Variants in LRRC8D observed in about 807,000 individuals in gnomAD.
The protein encoded by LRRC8D is leucine rich repeat containing 8 VRAC subunit D, also known as volume-regulated anion channel subunit LRRC8D.
Under a neutral mutation model 55.8 loss-of-function variants are expected in LRRC8D, and 20 were observed. The observed-to-expected ratio is 0.36, with a 90% confidence interval of 0.25 to 0.52. The LOEUF (loss-of-function observed/expected upper bound fraction) is 0.52, where lower values mean the gene tolerates loss of function less well. LRRC8D is among the 20% of genes least tolerant of loss of function. LRRC8D has a pLI of 0.93. For synonymous variants in LRRC8D, 352 were observed against 377.0 expected, an observed-to-expected ratio of 0.93 and a Z score of 0.77; for missense variants, 651 against 1,030.8, an observed-to-expected ratio of 0.63 and a Z score of 5.05.
intron 1 of LRRC8D, among the ~76,000 whole-genome samples, chr1:89,833,521 G>A (rs988601679): frequency 2.6e-5 from 4 of 152,198 alleles, no homozygotes; most frequent in Non-Finnish European, 5.9e-5. Flanking sequence ...GAGGCAGTGG[G>A]AAGGACCTAG....
At chr1:89,868,873 T>C (rs1457371756) in intron 2 of LRRC8D, among the ~76,000 whole-genome samples, 1 of 152,176 alleles carries the variant, frequency 6.6e-6, no homozygotes, top group Non-Finnish European at 1.5e-5. Flanking sequence ...TTTTTAAGTA[T>C]TGACACTGTA....
intron 2 of LRRC8D, among the ~76,000 whole-genome samples, chr1:89,866,282 C>A (rs1016584365): frequency 1.3e-5 from 2 of 152,154 alleles, no homozygotes; most frequent in African/African-American, 4.8e-5. Context: ...ATCAGCACCC[C>A]AGGAGTACTG....
chr1:89,857,301 G>C (rs1236575598), intron 2 of LRRC8D, among the ~76,000 whole-genome samples: 2 of 147,606 alleles, frequency 1.4e-5, no homozygotes, highest in Non-Finnish European at 3.0e-5. Context: ...AGAATTGCTT[G>C]AACCTGGGAG....
chr1:89,837,585 C>G (rs1557443066), intron 1 of LRRC8D, among the ~76,000 whole-genome samples: 1 of 152,222 alleles, frequency 6.6e-6, no homozygotes, highest in African/African-American at 2.4e-5. Context: ...ATGTCCATGT[C>G]TCTTTTCTCA....
At position 89,931,938 on chromosome 1, in the gene LRRC8D, G is replaced by A. The variant is rs371513772; in HGVS notation, c.-2-1129G>A. On this transcript the variant is annotated intron_variant, in intron 2 of 2. Transcript: ENST00000337338. ...AAAAAGACAAAGCAATATAAATATG[G>A]AAACCCAAGAACCTCTCAAGAAATG... is the stretch of plus-strand genomic sequence containing the variant. Among the ~76,000 whole-genome samples, 7 of 152,118 alleles carry A rather than the reference G, an allele frequency of 4.6e-5. 1 individual carries two copies. The highest frequency in any genetic ancestry group is 2.0e-4 in the Admixed American group (3 of 15,284).
intron 1 of LRRC8D, 130 bp from the exon 2 acceptor site, chr1:89,843,508 G>T (rs1328906595): frequency 1.8e-6 from 1 of 552,856 alleles, no homozygotes; most frequent in African/African-American, 1.9e-5. Flanking sequence ...GGGAGCGCTG[G>T]GTGCCCACCA....
In LRRC8D at chr1:89,890,060, G is replaced by A. The variant is rs188041924; in HGVS notation, c.-2-43007G>A. Among the ~76,000 whole-genome samples the A allele has an allele frequency of 6.6e-5, 10 of 152,250 alleles. No homozygotes were observed. In the East Asian group the frequency reaches 9.7e-4, roughly 15 times the overall value. Reference sequence around the variant, plus strand: ...AAATTAGTTGAGCGTGTTGGCGGGCGCCTGTAGTCCCAGCTACTTGGGAGG... The same window carrying A: ...AAATTAGTTGAGCGTGTTGGCGGGCACCTGTAGTCCCAGCTACTTGGGAGG... On this transcript the variant is annotated intron_variant, in intron 2 of 2. Transcript: ENST00000337338.
chr1:89,821,448 G>C (rs181675954), intron 1 of LRRC8D, among the ~76,000 whole-genome samples, 157 bp downstream of exon 1: 1 of 152,142 alleles, frequency 6.6e-6, no homozygotes, highest in Non-Finnish European at 1.5e-5. Flanking sequence ...CCGGGGGTCG[G>C]GAGGAGGTGG....
intron 2 of LRRC8D, among the ~76,000 whole-genome samples, chr1:89,902,533 C>CT (rs1455168546): frequency 1.3e-5 from 2 of 151,558 alleles, no homozygotes; most frequent in Non-Finnish European, 2.9e-5. Context: ...TTTTCTTTTT[C>CT]TTTTTTTCTT....
intron 2 of LRRC8D, among the ~76,000 whole-genome samples, chr1:89,901,797 A>T (rs891189780): frequency 1.1e-4 from 17 of 152,294 alleles, no homozygotes; most frequent in Non-Finnish European, 2.2e-4. Flanking sequence ...TACTTATTTT[A>T]TGGTTTATTA....
chr1:89,933,393 A>G lies in LRRC8D; in HGVS notation c.325A>G (p.Ile109Val). The G allele has an allele frequency of 6.2e-7, 1 of 1,614,154 alleles. No individual in the cohort carries two copies. The highest frequency in any genetic ancestry group is 8.5e-7 in the Non-Finnish European group (1 of 1,180,028). The stretch of plus-strand genomic sequence containing the variant: ...TGGGACATCTGCTGTGACACCTGAC[A>G]TACCTCTCAGAGCCACATATCCTCG... ...SFGTSAVTPD[I>V]PLRATYPRTD... The change falls in exon 3 of 3, where the codon ATA (isoleucine) becomes GTA (valine). Residue 109 changes from isoleucine (I) to valine (V), a missense_variant. Physicochemically the swap from Ile to Val is conservative, Grantham distance 29. Coordinates refer to ENST00000337338, the MANE Select transcript of LRRC8D (RefSeq NM_001134479.2). The surrounding 1 kb of genome is among the most constrained non-coding windows in gnomAD (Gnocchi z 7.0).
At chr1:89,932,897 G>A (rs1663747990) in intron 2 of LRRC8D, among the ~76,000 whole-genome samples, 170 bp from the exon 3 acceptor site, 1 of 152,148 alleles carries the variant, frequency 6.6e-6, no homozygotes, top group Admixed American at 6.5e-5. Flanking sequence ...TGCACTAGGA[G>A]AGAAAAGCTG....
chr1:89,866,470 G>A (rs183253085), intron 2 of LRRC8D, among the ~76,000 whole-genome samples: 2 of 152,312 alleles, frequency 1.3e-5, no homozygotes, highest in African/African-American at 4.8e-5. Flanking sequence ...ACTCTTGAAT[G>A]TGTCGGTAGT....
intron 2 of LRRC8D, among the ~76,000 whole-genome samples, chr1:89,900,808 C>T (rs1044729799): frequency 6.6e-6 from 1 of 152,186 alleles, no homozygotes; most frequent in Non-Finnish European, 1.5e-5. Context: ...GCAGGTGTCT[C>T]CATTGGTTTA....
chr1:89,833,078 G>T (rs1318608096), intron 1 of LRRC8D, among the ~76,000 whole-genome samples: 1 of 152,156 alleles, frequency 6.6e-6, no homozygotes, highest in Non-Finnish European at 1.5e-5. Flanking sequence ...GTGCTTTTTA[G>T]GACTCCTTCA....
intron 2 of LRRC8D, among the ~76,000 whole-genome samples, chr1:89,925,223 G>A (rs1026620350): frequency 1.3e-5 from 2 of 152,158 alleles, no homozygotes; most frequent in Non-Finnish European, 2.9e-5. Context: ...TCTAGGTTCT[G>A]CTATCCTTGT....
intron 2 of LRRC8D, among the ~76,000 whole-genome samples, chr1:89,916,242 A>G (rs569757553): frequency 6.6e-6 from 1 of 152,364 alleles, no homozygotes; most frequent in African/African-American, 2.4e-5. Flanking sequence ...AAGGGCTTCC[A>G]GTTAAATGTC....
intron 2 of LRRC8D, among the ~76,000 whole-genome samples, chr1:89,914,275 G>A (rs1570885462): frequency 6.6e-6 from 1 of 152,128 alleles, no homozygotes; most frequent in East Asian, 1.9e-4. Context: ...CCAAGCCCAC[G>A]CCCACCCGGA....
chr1:89,855,145 A>G (rs867876166), intron 2 of LRRC8D, among the ~76,000 whole-genome samples: 2 of 152,156 alleles, frequency 1.3e-5, no homozygotes, highest in African/African-American at 4.8e-5. Flanking sequence ...AGAGAATCGA[A>G]CAGTTGGAGA....
Sources: gnomAD v4.1 joint callset for allele counts (sites outside exome capture counted in the v4.1 genomes callset) on GRCh38, gnomAD v4.1.1 for gene constraint, Gnocchi (gnomAD v3.1) non-coding constraint, MANE v1.5 for transcripts, NCBI Gene and HGNC (gene_info 2026-07-23, HGNC 2026-07-21) for gene names.